Variants in TFR2 observed in about 807,000 individuals in gnomAD.
The protein encoded by TFR2 is transferrin receptor protein 2.
A neutral mutation model predicts 91.9 loss-of-function variants in TFR2; 64 were observed. The observed-to-expected ratio is 0.70, with a 90% CI of 0.57 to 0.86. TFR2 has a LOEUF of 0.86. Ranked by LOEUF, TFR2 falls within the 40% of genes least tolerant of loss-of-function variation. The probability of loss-of-function intolerance (pLI) is 0.00; values close to 1 mark genes in which losing one functional copy is unlikely to be tolerated. For missense variants in TFR2, 950 were observed against 1,080.5 expected (o/e 0.88, Z 1.69); for synonymous variants, 454 against 459.6 (o/e 0.99, Z 0.15).
chr7:100,630,901 G>C lies in TFR2; in HGVS notation c.1258C>G (p.Arg420Gly). 1 of 1,612,870 alleles carries C rather than the reference G, an allele frequency of 6.2e-7. No individual in the cohort carries two copies. The highest frequency in any genetic ancestry group is 8.5e-7 in the Non-Finnish European group (1 of 1,179,842). The change falls in exon 9 of 18, where the codon CGC becomes GGC. Residue 420 changes from arginine (R) to glycine (G), a missense_variant. Arg to Gly is a moderately radical substitution (Grantham distance 125). Coordinates refer to ENST00000223051, the MANE Select transcript of TFR2 (RefSeq NM_003227.4). Reference protein sequence around the residue: ...INNIFGCIEGRSEPDHYVVIG... With the variant: ...INNIFGCIEGGSEPDHYVVIG... ...ACACACAGCATACCTGGCTCTGAGC[G>C]GCCTTCGATGCAGCCGAAGATGTTG...
intron 3 of TFR2, among the ~76,000 whole-genome samples, chr7:100,637,581 G>A (rs1239311992): frequency 6.6e-6 from 1 of 151,964 alleles, no homozygotes; most frequent in Non-Finnish European, 1.5e-5. Flanking sequence ...GCAACAGAGT[G>A]AGAATTGGTT....
In TFR2 at chr7:100,627,924, C is replaced by A; in HGVS notation, c.1588G>T (p.Glu530Ter). The A allele has an allele frequency of 6.2e-7, 1 of 1,614,094 alleles. No individual in the cohort carries two copies. The highest frequency in any genetic ancestry group is 8.5e-7 in the Non-Finnish European group (1 of 1,179,992). Residue 530 changes from glutamate to a stop codon, truncating the protein, a stop_gained, in exon 13 of 18, where the codon GAG (glutamate) becomes TAG (stop). Coordinates refer to ENST00000223051, the MANE Select transcript of TFR2 (RefSeq NM_003227.4). LOFTEE classifies it high-confidence loss of function. The stretch of plus-strand genomic sequence containing the variant: ...GCTCTTGCCTGCTTCAGGACACTCT[C>A]AATGAGACTTGTCAGAAGGGGGCTG... ...KTSPLLTSLIESVLKQVDSPN... is the reference protein window; with the variant it reads ...KTSPLLTSLI
intron 9 of TFR2, among the ~76,000 whole-genome samples, chr7:100,630,203 TCTTCCTTCCTTCCTTC>T (rs56033226): frequency 6.7e-6 from 1 of 149,636 alleles, no homozygotes; most frequent in Admixed American, 6.7e-5. Context: ...CATGCTTGAG[TCTTCCTTCCTTCCTTC>T]CTTCCTTCCT....
In TFR2 at chr7:100,626,828, C is replaced by T. The variant is rs138310236; in HGVS notation, c.2071G>A (p.Glu691Lys). ...YIRAAEKLRQEIYSSEERDER... is the reference protein window; with the variant it reads ...YIRAAEKLRQKIYSSEERDER... ...TCTCTCTCCTCCGAGCTGTAGATCT[C>T]CTGCCGCAGCTTTTCCGCCGCCCGG... The change falls in exon 17 of 18, where the codon GAG becomes AAG. Residue 691 changes from glutamate to lysine, a missense_variant. Transcript: ENST00000223051. 1.8e-5 allele frequency: 28 copies of T among 1,549,570 alleles called. No homozygotes were observed. The highest frequency in any genetic ancestry group is 2.3e-5 in the Non-Finnish European group (26 of 1,146,996).
intron 10 of TFR2, 51 bp from the exon 11 acceptor site, chr7:100,628,357 C>T (rs753130015): frequency 1.3e-6 from 2 of 1,565,962 alleles, no homozygotes; most frequent in Admixed American, 1.7e-5. Context: ...AAGCAAAGAC[C>T]CTCCCCTTGT....
At chr7:100,635,464 A>G (rs1803557363) in intron 3 of TFR2, among the ~76,000 whole-genome samples, 1 of 120,746 alleles carries the variant, frequency 8.3e-6, no homozygotes, top group Non-Finnish European at 1.8e-5. Context: ...ATTATTTTTG[A>G]CATGGAGTTT....
intron 3 of TFR2, among the ~76,000 whole-genome samples, chr7:100,638,776 C>T (rs996839393): frequency 4.0e-5 from 6 of 150,856 alleles, no homozygotes; most frequent in African/African-American, 9.8e-5. Context: ...AAAAAATAGC[C>T]GGGCATAGTG....
In TFR2 at chr7:100,631,041, C is replaced by T. The variant is rs202221581; in HGVS notation, c.1118G>A (p.Gly373Asp). Residue 373 changes from glycine to aspartate, a missense_variant, in exon 9 of 18, where the codon GGC (glycine) becomes GAC (aspartate). Transcript: ENST00000223051. ...CTGCCATTCTTGGGGGGCCACAGGG[C>T]CTTTGAGCTTCCTGGAGAGGAGGAA... ...IASRLLRKLK[G>D]PVAPQEWQGS... 2.6e-4 allele frequency: 417 copies of T among 1,583,602 alleles called. 2 individuals carry two copies. Among genetic ancestry groups the T allele is most frequent in the Middle Eastern group, 5.7e-4 (3 of 5,238 alleles).
In TFR2 at chr7:100,627,317, C is replaced by T. The variant is rs1357621033; in HGVS notation, c.1942G>A (p.Asp648Asn). The T allele has an allele frequency of 1.3e-6, 2 of 1,550,086 alleles. No homozygotes were observed. Among genetic ancestry groups the T allele is most frequent in the African/African-American group, 2.7e-5 (2 of 73,026 alleles). Reference sequence around the variant, plus strand: ...TTCCCGATGTGCCTGAGGACGACGTCCCCGTAGCGGCCGAAGTCGAGGGGC... The same window carrying T: ...TTCCCGATGTGCCTGAGGACGACGTTCCCGTAGCGGCCGAAGTCGAGGGGC... ...LLPLDFGRYG[D>N]VVLRHIGNLN... Residue 648 changes from aspartate (D) to asparagine (N), a missense_variant, in exon 16 of 18, where the codon GAC becomes AAC. Physicochemically the swap from Asp to Asn is conservative, Grantham distance 23. Transcript: ENST00000223051.
intron 17 of TFR2, among the ~76,000 whole-genome samples, chr7:100,622,413 A>T (rs541091852): frequency 6.6e-6 from 1 of 152,280 alleles, no homozygotes; most frequent in South Asian, 2.1e-4. Context: ...CGTTGGGCCC[A>T]CACTCATGTG....
At chr7:100,628,182 C>A (rs1803322805) in intron 11 of TFR2, 42 bp downstream of exon 11, 1 of 1,612,786 alleles carries the variant, frequency 6.2e-7, no homozygotes, top group Non-Finnish European at 8.5e-7. Flanking sequence ...CCACCCCCAC[C>A]TCTCCCCAAT....
At chr7:100,637,530 G>C (rs558428551) in intron 3 of TFR2, among the ~76,000 whole-genome samples, 18 of 152,278 alleles carry the variant, frequency 1.2e-4, no homozygotes, top group African/African-American at 3.4e-4. Context: ...GGAGGCGGAG[G>C]TTACAGTGAG....
At chr7:100,626,176 A>AGGAAGTGGAGGAGTT (rs1158769660) in intron 17 of TFR2, among the ~76,000 whole-genome samples, 31 of 152,140 alleles carry the variant, frequency 2.0e-4, no homozygotes, top group African/African-American at 7.2e-4. Context: ...AGAAAATGGA[A>AGGAAGTGGAGGAGTT]GGAAGTGGAG....
chr7:100,626,531 G>C lies in TFR2; in HGVS notation c.2136+232C>G, dbSNP rs1584455191. The C allele has an allele frequency of 4.3e-6, 6 of 1,380,562 alleles. No individual in the cohort carries two copies. The East Asian group carries it at 1.4e-4, about 32-fold the overall frequency. 85.5% of individuals were successfully genotyped at this position (1,380,562 alleles called of 1,614,324 possible). A position where few individuals can be genotyped will look rare whatever the true frequency, so the allele number is the denominator to read the frequency against. On this transcript the variant is annotated intron_variant, in intron 17 of 17. Coordinates refer to ENST00000223051, the MANE Select transcript of TFR2 (RefSeq NM_003227.4). ...TCTGCCAGGCGTAAACCAGGCGACT[G>C]TGGCCAAGAGGCTGGCCCTCCCTGT...
intron 9 of TFR2, 98 bp from the exon 10 acceptor site, chr7:100,629,470 G>T: frequency 1.3e-6 from 2 of 1,590,568 alleles, no homozygotes; most frequent in East Asian, 4.6e-5. Context: ...CACAATTCCG[G>T]CAACCCTAGC....
chr7:100,627,364 C>T lies in TFR2; in HGVS notation c.1895G>A (p.Arg632Gln), dbSNP rs751548369. 2.5e-5 allele frequency: 39 copies of T among 1,553,294 alleles called. No homozygotes were observed. Among genetic ancestry groups the T allele is most frequent in the Non-Finnish European group, 3.3e-5 (38 of 1,148,292 alleles). The stretch of plus-strand genomic sequence containing the variant: ...GGGCAGCAGGCGATCGTGGCTGAGC[C>T]GGATGAGGAGCTGCCCTGCGAGCTG... ...VAQLAGQLLI[R>Q]LSHDRLLPLD... Residue 632 changes from arginine to glutamine, a missense_variant, in exon 16 of 18, where the codon CGG becomes CAG. Transcript: ENST00000223051.
chr7:100,635,715 T>C (rs1053702300), intron 3 of TFR2, among the ~76,000 whole-genome samples: 3 of 151,962 alleles, frequency 2.0e-5, no homozygotes, highest in African/African-American at 7.2e-5. Context: ...CCACCTGCCT[T>C]GGCCTCCCAA....
rs761790083 is a variant in TFR2, at chr7:100,627,957, C to T, written c.1555G>A (p.Ala519Thr). 1.2e-6 allele frequency: 2 copies of T among 1,614,034 alleles called. No individual in the cohort carries two copies. Among genetic ancestry groups the T allele is most frequent in the Admixed American group, 3.3e-5 (2 of 60,018 alleles). Residue 519 changes from alanine (A) to threonine (T), a missense_variant, in exon 13 of 18, where the codon GCC (alanine) becomes ACC (threonine). Physicochemically the swap from Ala to Thr is moderately conservative, Grantham distance 58 (BLOSUM62 0). Transcript: ENST00000223051. ...CTTGTCAGAAGGGGGCTGGTCTTGGCATGAAACTTGTCATCCCCTGGAAAA... is the reference window on the plus strand; with the variant it reads ...CTTGTCAGAAGGGGGCTGGTCTTGGTATGAAACTTGTCATCCCCTGGAAAA... ...NAVLGDDKFH[A>T]KTSPLLTSLI...
chr7:100,640,997 C>T lies in TFR2; in HGVS notation c.265G>A (p.Ala89Thr), dbSNP rs780539549. 2.5e-6 allele frequency: 4 copies of T among 1,607,016 alleles called. No individual in the cohort carries two copies. The East Asian group carries it at 6.7e-5, about 27-fold the overall frequency. The change falls in exon 2 of 18, where the codon GCC becomes ACC. Residue 89 changes from alanine to threonine, a missense_variant. Coordinates refer to ENST00000223051, the MANE Select transcript of TFR2 (RefSeq NM_003227.4). Reference protein sequence around the residue: ...RRAAPYLVLTALLIFTGAFLL... With the variant: ...RRAAPYLVLTTLLIFTGAFLL... The stretch of plus-strand genomic sequence containing the variant: ...TCACCCCCAGTGAAGATCAGCAGGG[C>T]CGTCAGGACCAGGTAGGGGGCAGCC...
Sources: gnomAD v4.1 joint callset for allele counts (sites outside exome capture counted in the v4.1 genomes callset) on GRCh38, gnomAD v4.1.1 for gene constraint, MANE v1.5 for transcripts, NCBI Gene and HGNC (gene_info 2026-07-23, HGNC 2026-07-21) for gene names.